The following TBX3 variants were observed in gnomAD, a reference collection of about 807,000 sequenced individuals.
TBX3 encodes the protein T-box transcription factor 3, also known as T-box transcription factor TBX3.
TBX3 carries 11 observed loss-of-function variants against 47.8 expected under a neutral mutation model. The ratio of observed to expected loss-of-function variants is 0.23; its 90% confidence interval spans 0.14 to 0.38. The LOEUF (loss-of-function observed/expected upper bound fraction) is 0.38. Among genes scored for constraint, TBX3 ranks in the 10% least tolerant of loss-of-function variants. The pLI is 1.00. For missense variants in TBX3, 927 were observed against 1,022.8 expected, an observed-to-expected ratio of 0.91 and a Z score of 1.28; for synonymous variants, 500 against 449.3, an observed-to-expected ratio of 1.11 and a Z score of -1.43.
At chr12:114,681,338 TCA>T (rs376094482) in intron 1 of TBX3, among the ~76,000 whole-genome samples, 192 bp from the exon 2 acceptor site, 76 of 152,382 alleles carry the variant, frequency 5.0e-4, no homozygotes, top group African/African-American at 1.6e-3. Flanking sequence ...TTAAATATTC[TCA>T]GTTTCGCCAT....
At chr12:114,680,785 G>T in intron 2 of TBX3, 94 bp downstream of exon 2, 1 of 1,557,788 alleles carries the variant, frequency 6.4e-7, no homozygotes, top group Non-Finnish European at 8.9e-7. Context: ...AGAAGCAAAG[G>T]AGAAGTCTGG....
At position 114,683,270 on chromosome 12, in the gene TBX3, G is replaced by T. The variant is rs888040051; in HGVS notation, c.-70C>A. 22 of 1,582,632 alleles carry T rather than the reference G, an allele frequency of 1.4e-5. No individual in the cohort carries two copies. The highest frequency in any genetic ancestry group is 2.3e-5 in the South Asian group (2 of 88,696). On this transcript the variant is annotated 5_prime_UTR_variant, in exon 1 of 7. Transcript: ENST00000349155. The surrounding 1 kb of genome is among the most constrained non-coding windows in gnomAD (Gnocchi z 7.7). The stretch of plus-strand genomic sequence containing the variant: ...AGCTGCTGTGTTTTGTTGTTTTTTT[G>T]TTGTTGTTTAACAGCAGCACATAAT...
chr12:114,678,988 G>A (rs901555538), intron 3 of TBX3, among the ~76,000 whole-genome samples: 1 of 150,698 alleles, frequency 6.6e-6, no homozygotes, highest in Non-Finnish European at 1.5e-5. Context: ...GCACACACAT[G>A]CACACACACA....
At position 114,672,214 on chromosome 12, in the gene TBX3, G is replaced by GA; in HGVS notation, c.1798dup (p.Ser600PhefsTer72). On this transcript the variant is annotated frameshift_variant, in exon 7 of 7. Coordinates refer to ENST00000349155, the MANE Select transcript of TBX3 (RefSeq NM_005996.4). LOFTEE classifies it high-confidence loss of function. ...GAAGGGGTGGCGGTGCACCGAGCTG[G>GA]AGGCTGCCGCAGAGGAGGCGGCCGC... 2 of 1,573,246 alleles carry GA rather than the reference G, an allele frequency of 1.3e-6. No homozygotes were observed. Among genetic ancestry groups the GA allele is most frequent in the Non-Finnish European group, 1.7e-6 (2 of 1,160,094 alleles).
chr12:114,672,223 G>T lies in TBX3; in HGVS notation c.1790C>A (p.Ala597Glu), dbSNP rs200821102. The T allele has an allele frequency of 6.4e-7, 1 of 1,573,628 alleles. No individual in the cohort carries two copies. Among genetic ancestry groups the T allele is most frequent in the South Asian group, 1.2e-5 (1 of 85,960 alleles). The change falls in exon 7 of 7, where the codon GCG becomes GAG. Residue 597 changes from alanine to glutamate, a missense_variant. Physicochemically the swap from Ala to Glu is moderately radical, Grantham distance 107. Coordinates refer to ENST00000349155, the MANE Select transcript of TBX3 (RefSeq NM_005996.4). ...YMAAAAAASS[A>E]AASSSVHRHP... ...GCGGTGCACCGAGCTGGAGGCTGCCGCAGAGGAGGCGGCCGCCGCTGCGGC... is the reference window on the plus strand; with the variant it reads ...GCGGTGCACCGAGCTGGAGGCTGCCTCAGAGGAGGCGGCCGCCGCTGCGGC...
intron 1 of TBX3, 138 bp from the exon 2 acceptor site, chr12:114,681,284 T>G (rs771648661): frequency 1.1e-4 from 136 of 1,244,792 alleles, no homozygotes; most frequent in Non-Finnish European, 1.4e-4. Flanking sequence ...TGTTTCAGAG[T>G]GAGGCAACTG....
rs1358091442 is a variant in TBX3, at chr12:114,674,721, C to T, written c.1154G>A (p.Arg385His). ...ISTTTSEEPC[R>H]DKGSPAVKAH... The stretch of plus-strand genomic sequence containing the variant: ...CTTGACCGCGGGGCTGCCCTTGTCA[C>T]GGCAGGGCTCCTCCGACGTGGTGGT... The change falls in exon 6 of 7, where the codon CGT becomes CAT. Residue 385 changes from arginine (R) to histidine (H), a missense_variant. This residue lies in a region of TBX3 where 623 missense variants were observed against 569.0 expected (regional missense o/e 1.09). Transcript: ENST00000349155. The T allele has an allele frequency of 1.2e-6, 2 of 1,600,990 alleles. No individual in the cohort carries two copies. The highest frequency in any genetic ancestry group is 2.2e-5 in the East Asian group (1 of 44,612).
Position 114,671,877 on chromosome 12 carries a change from T to C in TBX3, c.2136A>G (p.Glu712=). The C allele has an allele frequency of 6.4e-7, 1 of 1,562,882 alleles. No individual in the cohort carries two copies. The highest frequency in any genetic ancestry group is 8.7e-7 in the Non-Finnish European group (1 of 1,154,610). ...CGCTGCGGGACCTGTCCGGCTTGGC[T>C]TCCAAGCCGCTAACCAACCGCTGGA... ...QSIQRLVSGL[E]AKPDRSRSAS... The change falls in exon 7 of 7, where the codon GAA becomes GAG. Residue 712 remains glutamate, a synonymous_variant. Coordinates refer to ENST00000349155, the MANE Select transcript of TBX3 (RefSeq NM_005996.4).
intron 1 of TBX3, among the ~76,000 whole-genome samples, chr12:114,682,121 T>G (rs1868955785): frequency 1.3e-5 from 2 of 152,302 alleles, no homozygotes; most frequent in Admixed American, 6.5e-5. Flanking sequence ...CTTTAAACAT[T>G]ATGTAAAATA....
chr12:114,681,984 G>A (rs1868948705), intron 1 of TBX3, among the ~76,000 whole-genome samples: 1 of 152,076 alleles, frequency 6.6e-6, no homozygotes, highest in Non-Finnish European at 1.5e-5. Context: ...TATCATGAAG[G>A]GGATTTTATT....
chr12:114,679,284 A>G (rs549385429), intron 3 of TBX3, among the ~76,000 whole-genome samples: 1 of 152,230 alleles, frequency 6.6e-6, no homozygotes, highest in East Asian at 1.9e-4. Flanking sequence ...TGGCAAAATT[A>G]GTATGGCGTT....
At position 114,683,326 on chromosome 12, in the gene TBX3, GAAAGAAA is replaced by G. The variant is rs1007131458; in HGVS notation, c.-133_-127del. ...AGGGGGGAAAAAGCAAAACAAAAAAGAAAGAAAAAAGAAAAGGAGGCAGAAATCACAA... is the reference window on the plus strand; with the variant it reads ...AGGGGGGAAAAAGCAAAACAAAAAAGAAAGAAAAGGAGGCAGAAATCACAA... On this transcript the variant is annotated 5_prime_UTR_variant, in exon 1 of 7. Transcript: ENST00000349155. The surrounding 1 kb of genome is among the most constrained non-coding windows in gnomAD (Gnocchi z 7.7). 6 of 1,336,266 alleles carry G rather than the reference GAAAGAAA, an allele frequency of 4.5e-6. No individual in the cohort carries two copies. The African/African-American group carries it at 8.9e-5, about 20-fold the overall frequency. 82.8% of individuals were successfully genotyped at this position (1,336,266 alleles called of 1,614,324 possible).
chr12:114,682,663 A>G, intron 1 of TBX3, 149 bp downstream of exon 1: 1 of 1,212,166 alleles, frequency 8.2e-7, no homozygotes, highest in Non-Finnish European at 1.2e-6. Context: ...CCACCGGGGC[A>G]GGGCCTGGAA....
chr12:114,674,092 G>T (rs1868580870), intron 6 of TBX3, 73 bp downstream of exon 6: 2 of 1,538,780 alleles, frequency 1.3e-6, no homozygotes, highest in African/African-American at 2.7e-5. Context: ...TCGGGTGAGG[G>T]TCTGCTGGCA....
intron 5 of TBX3, 53 bp downstream of exon 5, chr12:114,676,260 T>C (rs1479340012): frequency 5.1e-5 from 82 of 1,610,170 alleles, no homozygotes; most frequent in Non-Finnish European, 7.6e-6. Context: ...CCTTCAACTC[T>C]TCCAGGCCAC....
chr12:114,674,923 A>G, intron 5 of TBX3, 88 bp from the exon 6 acceptor site: 1 of 1,510,216 alleles, frequency 6.6e-7, no homozygotes, highest in East Asian at 2.5e-5. Flanking sequence ...TTGGAATCCC[A>G]GCTCGTGGCT....
At chr12:114,682,579 T>C (rs1868981994) in intron 1 of TBX3, among the ~76,000 whole-genome samples, 1 of 152,042 alleles carries the variant, frequency 6.6e-6, no homozygotes, top group Non-Finnish European at 1.5e-5. Flanking sequence ...AAATTCTGTC[T>C]GTTCGGGAGG....
chr12:114,677,310 A>G (rs1194455343), intron 4 of TBX3, among the ~76,000 whole-genome samples: 1 of 152,242 alleles, frequency 6.6e-6, no homozygotes, highest in East Asian at 1.9e-4. Flanking sequence ...TTAGGAATTA[A>G]TAGGCATCCC....
At position 114,671,591 on chromosome 12, in the gene TBX3, C is replaced by A. The variant is rs899054946; in HGVS notation, c.*250G>T. 2.9e-5 allele frequency: 17 copies of A among 584,668 alleles called. No homozygotes were observed. Among genetic ancestry groups the A allele is most frequent in the Non-Finnish European group, 4.6e-5 (15 of 328,784 alleles). 36.2% of individuals were successfully genotyped at this position (584,668 alleles called of 1,614,324 possible). On this transcript the variant is annotated 3_prime_UTR_variant, in exon 7 of 7. Coordinates refer to ENST00000349155, the MANE Select transcript of TBX3 (RefSeq NM_005996.4). The stretch of plus-strand genomic sequence containing the variant: ...TGGACATAAATGTTGGAACTCCTAC[C>A]CCCAGTAGCTCAATGCAACCGACGT...
Sources: allele counts gnomAD v4.1 joint callset (sites outside exome capture counted in the v4.1 genomes callset), GRCh38; gene constraint gnomAD v4.1.1; regional missense constraint gnomAD v4.1.1; non-coding constraint Gnocchi (gnomAD v3.1); transcripts MANE v1.5; gene names NCBI Gene and HGNC (gene_info 2026-07-23, HGNC 2026-07-21).